Variants in AVEN observed in about 807,000 individuals in gnomAD.
AVEN encodes the protein apoptosis and caspase activation inhibitor, also known as cell death regulator Aven.
A neutral mutation model predicts 38.1 loss-of-function variants in AVEN; 41 were observed. The ratio of observed to expected loss-of-function variants is 1.08; its 90% CI spans 0.84 to 1.40. The LOEUF is 1.40. AVEN is among the 40% of genes most tolerant of loss of function. The probability of loss-of-function intolerance (pLI) is 0.00; values close to 1 mark genes in which losing one functional copy is unlikely to be tolerated. For missense variants in AVEN, 605 were observed against 438.8 expected, an observed-to-expected ratio of 1.38 and a Z score of -3.38; for synonymous variants, 206 against 171.8, an observed-to-expected ratio of 1.20 and a Z score of -1.56.
At chr15:33,926,971 T>C (rs2153049466) in intron 2 of AVEN, among the ~76,000 whole-genome samples, 1 of 152,026 alleles carries the variant, frequency 6.6e-6, no homozygotes, top group South Asian at 2.1e-4. Flanking sequence ...AAAATAAAAA[T>C]AATTTTAAAA....
intron 5 of AVEN, among the ~76,000 whole-genome samples, chr15:33,867,028 G>A (rs1175953774): frequency 6.6e-6 from 1 of 152,022 alleles, no homozygotes; most frequent in Non-Finnish European, 1.5e-5. Flanking sequence ...TGTAATACAT[G>A]CATGTGGCAA....
At position 34,063,009 on chromosome 15, in the gene AVEN, C is replaced by T. The variant is rs777258099; in HGVS notation, n.1550G>A. On this transcript the variant is annotated non_coding_transcript_exon_variant, in exon 5 of 12. Transcript: ENST00000675287. This position sits in a 1 kb window ranked among gnomAD's most constrained non-coding sequence, Gnocchi z 4.1. ...CTACATCCTCATGGGACGCTGGGCT[C>T]TCGGGAGTCTGGCTTGTGACCTTTG... The T allele has an allele frequency of 2.6e-5, 42 of 1,614,112 alleles. No individual in the cohort carries two copies. The highest frequency in any genetic ancestry group is 3.5e-5 in the Non-Finnish European group (41 of 1,180,048).
intron 2 of AVEN, among the ~76,000 whole-genome samples, chr15:33,989,395 C>T (rs1416810647): frequency 1.3e-5 from 2 of 151,758 alleles, no homozygotes; most frequent in Non-Finnish European, 1.5e-5. Context: ...GTCACAACTA[C>T]CCCTAGATTA....
downstream of AVEN, among the ~76,000 whole-genome samples, chr15:33,861,963 C>G (rs546912725): frequency 6.6e-6 from 1 of 152,068 alleles, no homozygotes; most frequent in South Asian, 2.1e-4. Flanking sequence ...ATGCCTGGCA[C>G]CCAGTAGGCA....
chr15:33,857,169 ACTG>A (rs1397670005), downstream of AVEN, among the ~76,000 whole-genome samples: 4 of 152,072 alleles, frequency 2.6e-5, no homozygotes, highest in Admixed American at 2.0e-4. Context: ...AGTACTACAG[ACTG>A]CTATTTTGTT....
chr15:33,860,579 G>C (rs1329658311), intron 11 of AVEN: 5 of 1,545,626 alleles, frequency 3.2e-6, no homozygotes, highest in East Asian at 2.3e-5. Flanking sequence ...CTTTGTCTTT[G>C]TATTTAACAT....
intron 4 of AVEN, among the ~76,000 whole-genome samples, chr15:33,870,145 T>A (rs1890875405): frequency 6.6e-6 from 1 of 152,168 alleles, no homozygotes; most frequent in African/African-American, 2.4e-5. Flanking sequence ...TCCTGTTAAT[T>A]GTACCTTTGA....
chr15:33,992,528 C>T (rs1456390993), intron 2 of AVEN, among the ~76,000 whole-genome samples: 1 of 151,996 alleles, frequency 6.6e-6, no homozygotes, highest in Non-Finnish European at 1.5e-5. Context: ...CCCTGTCAGC[C>T]AGAACAAATT....
intron 1 of AVEN, among the ~76,000 whole-genome samples, chr15:34,030,991 T>C (rs1161743919): frequency 6.6e-6 from 1 of 152,120 alleles, no homozygotes; most frequent in Non-Finnish European, 1.5e-5. Context: ...AAATCCAAAA[T>C]AGATGACTAT....
At chr15:33,974,968 A>G (rs554293) in intron 2 of AVEN, among the ~76,000 whole-genome samples, 129,563 of 152,204 alleles carry the variant, frequency 0.85, 57,916 homozygotes, top group Non-Finnish European at 0.98. Flanking sequence ...GCGAAACTCT[A>G]TCCTGAAGGA....
chr15:34,006,180 G>A (rs1897330979), intron 1 of AVEN, among the ~76,000 whole-genome samples: 3 of 151,980 alleles, frequency 2.0e-5, no homozygotes, highest in Admixed American at 6.6e-5. Context: ...GCATGGTGGC[G>A]GGCACCTGTA....
chr15:33,886,131 T>C (rs118176951), intron 2 of AVEN, among the ~76,000 whole-genome samples: 2,348 of 152,204 alleles, frequency 0.015, 28 homozygotes, highest in Middle Eastern at 0.037. Flanking sequence ...CCAAACAAGA[T>C]AAAAGATTCT....
intron 2 of AVEN, among the ~76,000 whole-genome samples, chr15:33,907,168 C>T (rs1892738725): frequency 6.6e-6 from 1 of 152,146 alleles, no homozygotes; most frequent in Admixed American, 6.5e-5. Context: ...CAAATATCAG[C>T]AGGATAGACC....
Position 34,039,120 on chromosome 15 carries a change from G to A in AVEN, c.-74C>T. On this transcript the variant is annotated 5_prime_UTR_variant, in exon 1 of 6. Transcript: ENST00000306730. Reference sequence around the variant, plus strand: ...AGACGCCCTGGCCCCACCGGAAGCGGGCCGCACGGAGGAGCCGCGAGCGAA... The same window carrying A: ...AGACGCCCTGGCCCCACCGGAAGCGAGCCGCACGGAGGAGCCGCGAGCGAA... 9.5e-7 allele frequency: 1 copy of A among 1,049,634 alleles called. No individual in the cohort carries two copies. The allele number at this position is 1,049,634 out of a possible 1,614,324, so 65.0% of individuals were successfully genotyped here. A position where few individuals can be genotyped will look rare whatever the true frequency, so the allele number is the denominator to read the frequency against.
chr15:33,978,721 G>A (rs1408180473), intron 2 of AVEN, among the ~76,000 whole-genome samples: 2 of 151,896 alleles, frequency 1.3e-5, no homozygotes, highest in South Asian at 2.1e-4. Flanking sequence ...GTACAAATTC[G>A]TCCCCAGGCA....
intron 2 of AVEN, among the ~76,000 whole-genome samples, chr15:33,911,889 G>A (rs1892931227): frequency 1.3e-5 from 2 of 152,284 alleles, no homozygotes; most frequent in South Asian, 4.1e-4. Flanking sequence ...AACTTCCAGA[G>A]AGAGAAAGAA....
At chr15:33,893,844 A>G (rs1892093472) in intron 2 of AVEN, among the ~76,000 whole-genome samples, 2 of 152,212 alleles carry the variant, frequency 1.3e-5, no homozygotes, top group South Asian at 4.1e-4. Flanking sequence ...AGCAGTTGGA[A>G]TAGAGTGTGG....
At chr15:33,993,121 C>T (rs779171412) in intron 2 of AVEN, among the ~76,000 whole-genome samples, 4 of 152,240 alleles carry the variant, frequency 2.6e-5, no homozygotes, top group Middle Eastern at 3.4e-3. Flanking sequence ...ACAGACAATG[C>T]ATATTGCATG....
At chr15:33,865,182 G>C (rs746039567), downstream of AVEN, 2 of 1,613,902 alleles carry the variant, frequency 1.2e-6, no homozygotes, top group East Asian at 2.2e-5. Flanking sequence ...TTTCTTCCCA[G>C]CCGGTGACTG....
Sources: gnomAD v4.1 joint callset for allele counts (sites outside exome capture counted in the v4.1 genomes callset) on GRCh38, gnomAD v4.1.1 for gene constraint, Gnocchi (gnomAD v3.1) non-coding constraint, MANE v1.5 for transcripts, NCBI Gene and HGNC (gene_info 2026-07-23, HGNC 2026-07-21) for gene names.